The following SUCLG2 variants were observed in gnomAD, a reference collection of about 807,000 sequenced individuals.
The protein encoded by SUCLG2 is succinate-CoA ligase GDP-forming subunit beta, also known as succinate--CoA ligase [GDP-forming] subunit beta, mitochondrial.
Under a neutral mutation model 47.9 loss-of-function variants are expected in SUCLG2, and 42 were observed. The observed-to-expected ratio is 0.88, with a 90% confidence interval of 0.69 to 1.14. The LOEUF is 1.14. Among genes scored for constraint, SUCLG2 ranks in the 50% most tolerant of loss-of-function variants. The probability of loss-of-function intolerance (pLI) is 0.00; values close to 1 mark genes in which losing one functional copy is unlikely to be tolerated. For synonymous variants in SUCLG2, 195 were observed against 197.3 expected (o/e 0.99, Z 0.10); for missense variants, 571 against 525.9 (o/e 1.09, Z -0.84).
At chr3:67,630,761 T>A (rs1423950178) in intron 1 of SUCLG2, among the ~76,000 whole-genome samples, 1 of 152,206 alleles carries the variant, frequency 6.6e-6, no homozygotes, top group Non-Finnish European at 1.5e-5. Flanking sequence ...GTGTTCCACA[T>A]GGATACCATC....
At chr3:67,408,046 G>T (rs1172294952) in intron 9 of SUCLG2, among the ~76,000 whole-genome samples, 1 of 152,148 alleles carries the variant, frequency 6.6e-6, no homozygotes, top group Non-Finnish European at 1.5e-5. Flanking sequence ...AAGTGATTCA[G>T]GTGAGGAATT....
chr3:67,636,215 A>T (rs1041406859), intron 1 of SUCLG2, among the ~76,000 whole-genome samples: 1 of 152,170 alleles, frequency 6.6e-6, no homozygotes, highest in Non-Finnish European at 1.5e-5. Context: ...TAAGTCCAGG[A>T]GCTTGTTTGG....
At chr3:67,363,427 C>T (rs1013931134) in intron 10 of SUCLG2, among the ~76,000 whole-genome samples, 1 of 152,122 alleles carries the variant, frequency 6.6e-6, no homozygotes, top group Non-Finnish European at 1.5e-5. Flanking sequence ...TTTCATCTCC[C>T]CTGTATTTGT....
intron 2 of SUCLG2, among the ~76,000 whole-genome samples, chr3:67,582,335 T>C (rs1707901655): frequency 6.6e-6 from 1 of 152,170 alleles, no homozygotes; most frequent in Non-Finnish European, 1.5e-5. Flanking sequence ...ACTCAATGTT[T>C]AGCTCCCACT....
chr3:67,612,417 TTC>T (rs1233766205), intron 1 of SUCLG2, among the ~76,000 whole-genome samples: 4 of 116,660 alleles, frequency 3.4e-5, no homozygotes, highest in Non-Finnish European at 7.2e-5. Context: ...TACTTCTGCA[TTC>T]TCAGTTGTAA....
chr3:67,581,923 G>T (rs781113620), intron 2 of SUCLG2, among the ~76,000 whole-genome samples: 10 of 152,140 alleles, frequency 6.6e-5, no homozygotes, highest in African/African-American at 2.2e-4. Flanking sequence ...AGTAAGAGTT[G>T]TAAATTAGCT....
At chr3:67,524,804 G>A (rs1044055858) in intron 4 of SUCLG2, among the ~76,000 whole-genome samples, 6 of 151,230 alleles carry the variant, frequency 4.0e-5, no homozygotes, top group Non-Finnish European at 5.9e-5. Context: ...GAGGTCCAAG[G>A]AAGCGTATGG....
chr3:67,621,746 A>G (rs985143834), intron 1 of SUCLG2, among the ~76,000 whole-genome samples: 1 of 152,176 alleles, frequency 6.6e-6, no homozygotes, highest in African/African-American at 2.4e-5. Context: ...AAGAGGTCTC[A>G]TCAGCAAGAA....
chr3:67,475,381 G>T (rs915330370), intron 9 of SUCLG2, among the ~76,000 whole-genome samples: 1 of 152,172 alleles, frequency 6.6e-6, no homozygotes, highest in African/African-American at 2.4e-5. Context: ...CCTAAGAAAA[G>T]CTGTGCTGGT....
In SUCLG2 at chr3:67,440,336, C is replaced by T. The variant is rs150700744; in HGVS notation, c.1063-39485G>A. ...ATAGGCACGGGCAAAGACTTCCTGA[C>T]TAAAACACCAAAAGCAATGGCAACA... On this transcript the variant is annotated intron_variant, in intron 9 of 10. Coordinates refer to ENST00000307227, the MANE Select transcript of SUCLG2 (RefSeq NM_003848.4). Among the ~76,000 whole-genome samples the T allele has an allele frequency of 8.1e-4, 123 of 152,258 alleles. 1 individual carries two copies. The highest frequency in any genetic ancestry group is 2.8e-3 in the African/African-American group (115 of 41,560).
intron 8 of SUCLG2, among the ~76,000 whole-genome samples, chr3:67,496,239 G>C (rs1450412863): frequency 6.6e-6 from 1 of 152,078 alleles, no homozygotes; most frequent in Non-Finnish European, 1.5e-5. Flanking sequence ...AACCGATTTG[G>C]GCCAGTAGTA....
chr3:67,566,036 C>T (rs924415102), intron 2 of SUCLG2, among the ~76,000 whole-genome samples: 4 of 152,184 alleles, frequency 2.6e-5, no homozygotes, highest in African/African-American at 9.7e-5. Flanking sequence ...TTGACTCAAT[C>T]AGGCAAGGAG....
intron 9 of SUCLG2, among the ~76,000 whole-genome samples, chr3:67,428,802 A>G (rs1210975518): frequency 1.3e-5 from 2 of 152,234 alleles, no homozygotes; most frequent in Non-Finnish European, 2.9e-5. Context: ...TACATGATGC[A>G]TGCACAAGCT....
intron 2 of SUCLG2, among the ~76,000 whole-genome samples, chr3:67,536,737 G>C (rs968627272): frequency 1.3e-5 from 2 of 152,180 alleles, no homozygotes; most frequent in Non-Finnish European, 2.9e-5. Flanking sequence ...CAAGGATTCA[G>C]GCTGGGCAAC....
rs567845240 is a variant in SUCLG2, at chr3:67,580,621, C to T, written c.226+28834G>A. ...AATGAAGCCTGAGACAACAGGCAAA[C>T]GGCAGAGATTGTCCCTTGATTAACT... On this transcript the variant is annotated intron_variant, in intron 2 of 10. Coordinates refer to ENST00000307227, the MANE Select transcript of SUCLG2 (RefSeq NM_003848.4). Among the ~76,000 whole-genome samples, 565 of 152,232 alleles carry T rather than the reference C, an allele frequency of 3.7e-3. 4 individuals are homozygous for T. The highest frequency in any genetic ancestry group is 6.1e-3 in the Non-Finnish European group (416 of 68,002).
In SUCLG2 at chr3:67,423,781, T is replaced by C. The variant is rs78240097; in HGVS notation, c.1063-22930A>G. 3.7e-3 allele frequency among the ~76,000 whole-genome samples: 560 copies of C among 152,272 alleles called. 2 individuals are homozygous for C. The highest frequency in any genetic ancestry group is 4.8e-3 in the Non-Finnish European group (327 of 68,022). ...ATCAGAATCCCCCTTAGAATGAATA[T>C]CTCCCTTTACTGAAGTGAGTTTTGC... On this transcript the variant is annotated intron_variant, in intron 9 of 10. Coordinates refer to ENST00000307227, the MANE Select transcript of SUCLG2 (RefSeq NM_003848.4).
chr3:67,537,341 T>C (rs1706572279), intron 2 of SUCLG2, among the ~76,000 whole-genome samples: 1 of 152,174 alleles, frequency 6.6e-6, no homozygotes, highest in African/African-American at 2.4e-5. Context: ...GTTCCTGTGT[T>C]ACTTTGCTGA....
chr3:67,589,864 C>T (rs1373358452), intron 2 of SUCLG2, among the ~76,000 whole-genome samples: 1 of 152,180 alleles, frequency 6.6e-6, no homozygotes, highest in East Asian at 1.9e-4. Flanking sequence ...CTAAACTCCA[C>T]AAAGTCCGGG....
intron 2 of SUCLG2, among the ~76,000 whole-genome samples, chr3:67,608,537 G>C (rs777167858): frequency 6.6e-6 from 1 of 152,002 alleles, no homozygotes; most frequent in Non-Finnish European, 1.5e-5. Flanking sequence ...ATTATTGAAC[G>C]ATGCTCCACT....
Sources: allele counts gnomAD v4.1 joint callset (sites outside exome capture counted in the v4.1 genomes callset), GRCh38; gene constraint gnomAD v4.1.1; transcripts MANE v1.5; gene names NCBI Gene and HGNC (gene_info 2026-07-23, HGNC 2026-07-21).